The following DOCK4 variants were observed in gnomAD, a reference collection of about 807,000 sequenced individuals.
The protein encoded by DOCK4 is dedicator of cytokinesis 4.
A neutral mutation model predicts 268.1 loss-of-function variants in DOCK4; 97 were observed. The ratio of observed to expected loss-of-function variants is 0.36; its 90% CI spans 0.31 to 0.43. The LOEUF (loss-of-function observed/expected upper bound fraction) is 0.43, where lower values mean the gene tolerates loss of function less well. Among genes scored for constraint, DOCK4 ranks in the 20% least tolerant of loss-of-function variants. The pLI, the probability that DOCK4 is intolerant of heterozygous loss-of-function variation, is 1.00. For missense variants in DOCK4, 2,145 were observed against 2,455.7 expected (o/e 0.87, Z 2.67); for synonymous variants, 954 against 887.2 (o/e 1.08, Z -1.34).
chr7:112,109,979 C>CGT (rs1481611548), intron 1 of DOCK4, among the ~76,000 whole-genome samples: 4 of 151,678 alleles, frequency 2.6e-5, no homozygotes, highest in Non-Finnish European at 5.9e-5. Context: ...CTCCTGACCT[C>CGT]GTGATCCGCC....
intron 39 of DOCK4, 141 bp downstream of exon 39, chr7:111,764,977 T>A: frequency 2.2e-6 from 1 of 452,850 alleles, no homozygotes; most frequent in Non-Finnish European, 3.9e-6. Flanking sequence ...TAGATTAATA[T>A]AGTGTCTGCA....
intron 44 of DOCK4, among the ~76,000 whole-genome samples, chr7:111,743,265 C>T (rs1796049312): frequency 1.3e-5 from 2 of 152,148 alleles, no homozygotes; most frequent in African/African-American, 4.8e-5. Context: ...AAAACGAATC[C>T]TATATCACCA....
intron 38 of DOCK4, among the ~76,000 whole-genome samples, chr7:111,766,518 T>C (rs1446508362): frequency 6.6e-6 from 1 of 152,196 alleles, no homozygotes; most frequent in African/African-American, 2.4e-5. Context: ...ATAAAACATT[T>C]GGTTCAGAGA....
At chr7:111,784,352 C>T (rs1455382434) in intron 32 of DOCK4, 1 of 689,780 alleles carries the variant, frequency 1.4e-6, no homozygotes. Flanking sequence ...TAAGCAAGAT[C>T]TTGCTTTATT....
At chr7:112,112,667 C>G (rs1427646555) in intron 1 of DOCK4, among the ~76,000 whole-genome samples, 1 of 151,848 alleles carries the variant, frequency 6.6e-6, no homozygotes, top group Non-Finnish European at 1.5e-5. Flanking sequence ...AAAGAAGATG[C>G]TGGAACCATG....
At chr7:111,951,819 G>A (rs934987933) in intron 8 of DOCK4, among the ~76,000 whole-genome samples, 3 of 151,914 alleles carry the variant, frequency 2.0e-5, no homozygotes, top group East Asian at 1.9e-4. Flanking sequence ...AGCCATGATC[G>A]CACCACTGTA....
intron 8 of DOCK4, among the ~76,000 whole-genome samples, chr7:111,946,631 G>A (rs999268431): frequency 5.3e-5 from 8 of 152,124 alleles, no homozygotes; most frequent in African/African-American, 1.4e-4. Flanking sequence ...ACCCAGGCTG[G>A]AGTACAGTGG....
chr7:112,046,921 C>T (rs146387229), intron 1 of DOCK4, among the ~76,000 whole-genome samples: 66 of 152,060 alleles, frequency 4.3e-4, no homozygotes, highest in Non-Finnish European at 7.1e-4. Flanking sequence ...ACAGCAGCAG[C>T]GAGGAAAAAG....
chr7:111,759,262 C>T (rs994800846), intron 40 of DOCK4, among the ~76,000 whole-genome samples: 5 of 152,182 alleles, frequency 3.3e-5, no homozygotes, highest in South Asian at 2.1e-4. Context: ...AGAACACTGA[C>T]GATGACTTAC....
chr7:111,889,851 A>T (rs1490201366), intron 16 of DOCK4, among the ~76,000 whole-genome samples: 1 of 152,122 alleles, frequency 6.6e-6, no homozygotes, highest in Non-Finnish European at 1.5e-5. Flanking sequence ...AATGCCTTGG[A>T]TTAGGAAGCC....
intron 8 of DOCK4, among the ~76,000 whole-genome samples, chr7:111,948,242 A>AACTGCGAAATAGTAAAT (rs1478235493): frequency 5.3e-5 from 8 of 152,198 alleles, no homozygotes; most frequent in Admixed American, 5.2e-4. Flanking sequence ...CATATGGGAA[A>AACTGCGAAATAGTAAAT]ACTGCGAAAT....
chr7:112,079,357 T>C (rs111657344), intron 1 of DOCK4, among the ~76,000 whole-genome samples: 10 of 152,320 alleles, frequency 6.6e-5, no homozygotes, highest in African/African-American at 2.2e-4. Context: ...AACTGTATTA[T>C]GTAAAAGTAC....
intron 16 of DOCK4, among the ~76,000 whole-genome samples, chr7:111,885,997 T>A (rs978628169): frequency 2.0e-5 from 3 of 152,210 alleles, no homozygotes; most frequent in Admixed American, 2.0e-4. Context: ...GACTACTGTC[T>A]TAGATATGTG....
At position 111,788,645 on chromosome 7, in the gene DOCK4, A is replaced by G; in HGVS notation, c.3401+17T>C. 1 of 1,563,540 alleles carries G rather than the reference A, an allele frequency of 6.4e-7. No homozygotes were observed. The highest frequency in any genetic ancestry group is 1.2e-5 in the South Asian group (1 of 85,220). ...TCCCCCAGAATGGAATCAACTTGAG[A>G]TAAACATATTACTCACATACTGTTG... On this transcript the variant is annotated intron_variant, in intron 32 of 52. Coordinates refer to ENST00000428084, the MANE Select transcript of DOCK4 (RefSeq NM_001363540.2).
At chr7:112,168,872 T>C (rs575225592) in intron 1 of DOCK4, among the ~76,000 whole-genome samples, 1 of 152,300 alleles carries the variant, frequency 6.6e-6, no homozygotes, top group African/African-American at 2.4e-5. Context: ...CAGAAGTCCA[T>C]GAAAAATTAC....
At chr7:111,826,362 G>C (rs1802386539) in intron 26 of DOCK4, among the ~76,000 whole-genome samples, 1 of 152,178 alleles carries the variant, frequency 6.6e-6, no homozygotes, top group Non-Finnish European at 1.5e-5. Context: ...TTATCCTGCA[G>C]GCATTGTGGA....
chr7:112,071,311 C>A (rs1807563218), intron 1 of DOCK4, among the ~76,000 whole-genome samples: 1 of 152,096 alleles, frequency 6.6e-6, no homozygotes, highest in African/African-American at 2.4e-5. Context: ...ATTATTACTT[C>A]ATTTCTCCTT....
chr7:112,072,416 A>C (rs1465039291), intron 1 of DOCK4, among the ~76,000 whole-genome samples: 1 of 152,236 alleles, frequency 6.6e-6, no homozygotes, highest in Admixed American at 6.5e-5. Flanking sequence ...GTAATTTAGA[A>C]TTTCTCCAGG....
chr7:112,181,965 C>T (rs537862125), intron 1 of DOCK4, among the ~76,000 whole-genome samples: 1 of 152,332 alleles, frequency 6.6e-6, no homozygotes, highest in East Asian at 1.9e-4. Flanking sequence ...GGAACCTCAA[C>T]AATCACCATA....
Sources: gnomAD v4.1 joint callset for allele counts (sites outside exome capture counted in the v4.1 genomes callset) on GRCh38, gnomAD v4.1.1 for gene constraint, MANE v1.5 for transcripts, NCBI Gene and HGNC (gene_info 2026-07-23, HGNC 2026-07-21) for gene names.